The following ZNF385B variants were observed in gnomAD, a reference collection of about 807,000 sequenced individuals.
ZNF385B encodes the protein zinc finger protein 533.
Under a neutral mutation model 39.2 loss-of-function variants are expected in ZNF385B, and 23 were observed. The observed-to-expected ratio is 0.59, with a 90% CI of 0.42 to 0.83. The LOEUF (loss-of-function observed/expected upper bound fraction) is 0.83, where lower values mean the gene tolerates loss of function less well. Ranked by LOEUF, ZNF385B falls within the 40% of genes least tolerant of loss-of-function variation. The pLI is 0.00. For missense variants in ZNF385B, 552 were observed against 598.9 expected (o/e 0.92, Z 0.82); for synonymous variants, 205 against 222.6 (o/e 0.92, Z 0.70).
chr2:179,828,045 G>A (rs1017342828), intron 1 of ZNF385B, among the ~76,000 whole-genome samples: 2 of 151,946 alleles, frequency 1.3e-5, no homozygotes, highest in African/African-American at 4.8e-5. Flanking sequence ...AAAGTATTGT[G>A]TTTTTATGAA....
chr2:179,846,193 A>T (rs889423120), intron 1 of ZNF385B, among the ~76,000 whole-genome samples: 2 of 152,270 alleles, frequency 1.3e-5, no homozygotes, highest in African/African-American at 4.8e-5. Context: ...CTTATAAAAC[A>T]TCTGTAAAGG....
At chr2:179,558,321 T>C (rs1434252531) in intron 3 of ZNF385B, among the ~76,000 whole-genome samples, 1 of 152,126 alleles carries the variant, frequency 6.6e-6, no homozygotes, top group Non-Finnish European at 1.5e-5. Context: ...TTTCTCCTAG[T>C]TTCAGAGAAT....
intron 3 of ZNF385B, among the ~76,000 whole-genome samples, chr2:179,607,129 G>C (rs1688869923): frequency 2.6e-5 from 4 of 152,138 alleles, no homozygotes. Flanking sequence ...GTGTGGTTTG[G>C]ATCAGGACAT....
intron 6 of ZNF385B, among the ~76,000 whole-genome samples, chr2:179,473,068 T>A (rs1344088797): frequency 6.6e-6 from 1 of 152,148 alleles, no homozygotes; most frequent in Non-Finnish European, 1.5e-5. Context: ...GTTACTACTA[T>A]GAAAGAATAG....
At chr2:179,684,305 G>C (rs1297121359) in intron 3 of ZNF385B, among the ~76,000 whole-genome samples, 1 of 152,164 alleles carries the variant, frequency 6.6e-6, no homozygotes, top group East Asian at 1.9e-4. Flanking sequence ...ACCACAATCG[G>C]AGTGGTTTTC....
chr2:179,791,738 T>C (rs1046128089), intron 1 of ZNF385B, among the ~76,000 whole-genome samples: 1 of 152,212 alleles, frequency 6.6e-6, no homozygotes, highest in Non-Finnish European at 1.5e-5. Flanking sequence ...GATTTTTTGT[T>C]CTTAATGAGT....
intron 3 of ZNF385B, among the ~76,000 whole-genome samples, chr2:179,681,132 T>C (rs914817201): frequency 6.6e-6 from 1 of 151,996 alleles, no homozygotes; most frequent in African/African-American, 2.4e-5. Context: ...TTGTGAGTCT[T>C]CAAAACTGGC....
intron 3 of ZNF385B, among the ~76,000 whole-genome samples, chr2:179,722,103 T>C (rs911885951): frequency 7.9e-5 from 12 of 152,088 alleles, no homozygotes; most frequent in Admixed American, 7.2e-4. Context: ...AGATATCACT[T>C]AAAATAGCAG....
chr2:179,809,720 C>T (rs560561766), intron 1 of ZNF385B, among the ~76,000 whole-genome samples: 24 of 151,974 alleles, frequency 1.6e-4, no homozygotes, highest in Non-Finnish European at 2.4e-4. Context: ...AAAAATCCAT[C>T]GTATCTAAAT....
intron 3 of ZNF385B, among the ~76,000 whole-genome samples, chr2:179,695,917 T>C (rs1388585065): frequency 1.3e-5 from 2 of 152,236 alleles, no homozygotes; most frequent in African/African-American, 4.8e-5. Context: ...TACAATGGAA[T>C]AGTATTCAGC....
chr2:179,829,974 T>C (rs1707893699), intron 1 of ZNF385B, among the ~76,000 whole-genome samples: 5 of 152,140 alleles, frequency 3.3e-5, no homozygotes. Flanking sequence ...GCAAAACATA[T>C]ATGTGATAAA....
chr2:179,572,262 C>T (rs1322602627), intron 3 of ZNF385B, among the ~76,000 whole-genome samples: 2 of 152,038 alleles, frequency 1.3e-5, no homozygotes, highest in African/African-American at 4.8e-5. Context: ...TCAACGATGG[C>T]TAAAAGCCAC....
At chr2:179,450,899 AC>A (rs2050061718) in intron 6 of ZNF385B, among the ~76,000 whole-genome samples, 1 of 152,118 alleles carries the variant, frequency 6.6e-6, no homozygotes, top group Admixed American at 6.6e-5. Context: ...GCACATATAC[AC>A]CATGGAATAC....
chr2:179,695,712 A>G (rs1348614154), intron 3 of ZNF385B, among the ~76,000 whole-genome samples: 2 of 152,228 alleles, frequency 1.3e-5, no homozygotes, highest in African/African-American at 4.8e-5. Context: ...ATGAGAACAT[A>G]GAGAATTGGA....
intron 3 of ZNF385B, among the ~76,000 whole-genome samples, chr2:179,679,410 T>C (rs530303461): frequency 6.6e-6 from 1 of 152,300 alleles, no homozygotes; most frequent in African/African-American, 2.4e-5. Flanking sequence ...TGAAAAATAC[T>C]TCTAATCTGG....
intron 1 of ZNF385B, among the ~76,000 whole-genome samples, chr2:179,775,169 G>T (rs1182553629): frequency 1.3e-5 from 2 of 152,072 alleles, no homozygotes; most frequent in African/African-American, 4.8e-5. Flanking sequence ...AGTAGAGAGG[G>T]TTCATTTCAT....
intron 3 of ZNF385B, among the ~76,000 whole-genome samples, chr2:179,551,803 A>G (rs1396541565): frequency 1.3e-5 from 2 of 152,030 alleles, no homozygotes; most frequent in Non-Finnish European, 2.9e-5. Context: ...TTGTCCTTGA[A>G]TTCCTTCTCA....
intron 3 of ZNF385B, among the ~76,000 whole-genome samples, chr2:179,723,940 A>T (rs1700846311): frequency 6.6e-6 from 1 of 152,200 alleles, no homozygotes; most frequent in Non-Finnish European, 1.5e-5. Context: ...CTGCTCATAC[A>T]TCATATAAAA....
chr2:179,662,732 C>T (rs553673105), intron 3 of ZNF385B, among the ~76,000 whole-genome samples: 104 of 152,216 alleles, frequency 6.8e-4, no homozygotes, highest in Non-Finnish European at 1.2e-3. Flanking sequence ...AAAATACTTG[C>T]TTTATTTTTA....
Sources: allele counts gnomAD v4.1 joint callset (sites outside exome capture counted in the v4.1 genomes callset), GRCh38; gene constraint gnomAD v4.1.1; transcripts MANE v1.5; gene names NCBI Gene and HGNC (gene_info 2026-07-23, HGNC 2026-07-21).